The following ADGB variants were observed in gnomAD, a reference collection of about 807,000 sequenced individuals.
The protein encoded by ADGB is androglobin.
ADGB carries 172 observed loss-of-function variants against 210.5 expected under a neutral mutation model. The ratio of observed to expected loss-of-function variants is 0.82; its 90% CI spans 0.72 to 0.93. The LOEUF (loss-of-function observed/expected upper bound fraction) is 0.93. ADGB is among the 40% of genes least tolerant of loss of function. ADGB has a pLI of 0.00. For synonymous variants in ADGB, 658 were observed against 662.7 expected (o/e 0.99, Z 0.11); for missense variants, 2,025 against 1,964.8 (o/e 1.03, Z -0.58).
intron 1 of ADGB, among the ~76,000 whole-genome samples, chr6:146,603,685 G>T (rs1014228379): frequency 2.0e-5 from 3 of 152,004 alleles, no homozygotes; most frequent in Admixed American, 2.0e-4. Context: ...TGACTAAAAT[G>T]AACATCTAAA....
At chr6:146,760,890 A>G (rs1253674320) in intron 27 of ADGB, among the ~76,000 whole-genome samples, 2 of 151,906 alleles carry the variant, frequency 1.3e-5, no homozygotes, top group East Asian at 3.9e-4. Context: ...GAACATGTGT[A>G]TAACTTATTG....
chr6:146,629,425 T>C (rs1483366127), intron 1 of ADGB, among the ~76,000 whole-genome samples: 6 of 152,286 alleles, frequency 3.9e-5, no homozygotes, highest in Middle Eastern at 6.8e-3. Flanking sequence ...TTTTAAGTAA[T>C]CTTCAATATA....
intron 1 of ADGB, among the ~76,000 whole-genome samples, chr6:146,614,371 A>T (rs543334446): frequency 6.6e-6 from 1 of 152,216 alleles, no homozygotes; most frequent in South Asian, 2.1e-4. Flanking sequence ...AAATAAACAG[A>T]TCTATCATTT....
Position 146,598,987 on chromosome 6 carries a change from C to A in ADGB, c.-54C>A, listed in dbSNP as rs1780507576. 4.0e-6 allele frequency: 6 copies of A among 1,486,920 alleles called. No homozygotes were observed. The highest frequency in any genetic ancestry group is 1.4e-5 in the African/African-American group (1 of 71,644). 92.1% of individuals were successfully genotyped at this position (1,486,920 alleles called of 1,614,324 possible). A position where few individuals can be genotyped will look rare whatever the true frequency, so the allele number is the denominator to read the frequency against. On this transcript the variant is annotated 5_prime_UTR_variant, in exon 1 of 36. Transcript: ENST00000397944. ...CTGGCAACGCAGACGCGGAGCCGAGCGCGCCCGCAGGCTCTTTGCTCAGAG... is the reference window on the plus strand; with the variant it reads ...CTGGCAACGCAGACGCGGAGCCGAGAGCGCCCGCAGGCTCTTTGCTCAGAG...
At chr6:146,643,420 T>C (rs922260877) in intron 2 of ADGB, among the ~76,000 whole-genome samples, 1 of 151,904 alleles carries the variant, frequency 6.6e-6, no homozygotes, top group Non-Finnish European at 1.5e-5. Context: ...CTTTTTCCTG[T>C]ATAGATAGTT....
At position 146,788,387 on chromosome 6, in the gene ADGB, A is replaced by C. The variant is rs772998005; in HGVS notation, c.4316-2A>C. ...TTCAGTAATGCACATGTCATGTTGT[A>C]GTAGAAACAGCTGCACGTGGCGTAA... On this transcript the variant is annotated splice_acceptor_variant, in intron 32 of 35. Coordinates refer to ENST00000397944, the MANE Select transcript of ADGB (RefSeq NM_024694.4). LOFTEE classifies it high-confidence loss of function. 1 of 1,551,108 alleles carries C rather than the reference A, an allele frequency of 6.4e-7. No individual in the cohort carries two copies. The highest frequency in any genetic ancestry group is 1.2e-5 in the South Asian group (1 of 84,052).
At position 146,741,131 on chromosome 6, in the gene ADGB, G is replaced by A. The variant is rs897620023; in HGVS notation, c.3037G>A (p.Val1013Ile). The A allele has an allele frequency of 3.3e-6, 5 of 1,518,696 alleles. No homozygotes were observed. In the African/African-American group the frequency reaches 5.6e-5, roughly 17 times the overall value. The allele number at this position is 1,518,696 out of a possible 1,614,324, so 94.1% of individuals were successfully genotyped here. A position where few individuals can be genotyped will look rare whatever the true frequency, so the allele number is the denominator to read the frequency against. The change falls in exon 25 of 36, where the codon GTT (valine) becomes ATT (isoleucine). Residue 1013 changes from valine to isoleucine, a missense_variant. Coordinates refer to ENST00000397944, the MANE Select transcript of ADGB (RefSeq NM_024694.4). The part of the protein sequence containing the change: ...WFIVFRETFL[V>I]HQDMILVPKV... ...TTGTAATTACAGAGAAACATTTTTG[G>A]TTCATCAAGACATGATTTTGGTTCC...
intron 1 of ADGB, among the ~76,000 whole-genome samples, chr6:146,600,922 A>ATG (rs1302239330): frequency 2.4e-5 from 2 of 83,442 alleles, no homozygotes; most frequent in Non-Finnish European, 4.6e-5. Context: ...CCCCTCCCCC[A>ATG]TGCGCACACA....
rs117755672 is a variant in ADGB at position 146,676,886 on chromosome 6, T to A, written c.1216+445T>A. Among the ~76,000 whole-genome samples, 983 of 152,318 alleles carry A rather than the reference T, an allele frequency of 6.5e-3. 6 individuals are homozygous for A. Among genetic ancestry groups the A allele is most frequent in the Middle Eastern group, 0.014 (4 of 294 alleles). On this transcript the variant is annotated intron_variant, in intron 9 of 35. Transcript: ENST00000397944. ...AGAAAGTAACTGTGAGGCCGGAGAC[T>A]CTGGAAGTCATTGTTTATATCACAA... is the stretch of plus-strand genomic sequence containing the variant.
In ADGB at chr6:146,685,827, T is replaced by C. The variant is rs1167133638; in HGVS notation, c.1310T>C (p.Met437Thr). The part of the protein sequence containing the change: ...FENKIFSLEK[M>T]ADSAEKLREY... ...AACAAGATCTTTTCATTAGAGAAGATGGTAAGCATTCAAGCTTAGGAAACA... is the reference window on the plus strand; with the variant it reads ...AACAAGATCTTTTCATTAGAGAAGACGGTAAGCATTCAAGCTTAGGAAACA... Residue 437 changes from methionine to threonine, a missense_variant and splice_region_variant, in exon 10 of 36, where the codon ATG (methionine) becomes ACG (threonine). Physicochemically the swap from Met to Thr is moderately conservative, Grantham distance 81. Transcript: ENST00000397944. The C allele has an allele frequency of 2.6e-6, 4 of 1,520,424 alleles. No individual in the cohort carries two copies. In the East Asian group the frequency reaches 7.6e-5, roughly 29 times the overall value. The allele number at this position is 1,520,424 out of a possible 1,614,324, so 94.2% of individuals were successfully genotyped here.
At chr6:146,632,508 T>C (rs1279336576) in intron 1 of ADGB, among the ~76,000 whole-genome samples, 1 of 152,080 alleles carries the variant, frequency 6.6e-6, no homozygotes, top group Non-Finnish European at 1.5e-5. Context: ...GACTAAGATG[T>C]GTATGTATTT....
chr6:146,765,190 C>G (rs1777554347), intron 28 of ADGB, among the ~76,000 whole-genome samples: 1 of 151,966 alleles, frequency 6.6e-6, no homozygotes, highest in South Asian at 2.1e-4. Context: ...ATATAGGCAC[C>G]TAATTATCTA....
At chr6:146,790,482 G>A (rs1056629280) in intron 33 of ADGB, among the ~76,000 whole-genome samples, 1 of 151,952 alleles carries the variant, frequency 6.6e-6, no homozygotes, top group Non-Finnish European at 1.5e-5. Flanking sequence ...TTAGCATCTT[G>A]TCCTCCAGGT....
At chr6:146,717,361 A>G (rs1776751314) in intron 15 of ADGB, among the ~76,000 whole-genome samples, 175 bp from the exon 16 acceptor site, 2 of 152,220 alleles carry the variant, frequency 1.3e-5, no homozygotes, top group Admixed American at 6.5e-5. Flanking sequence ...TTTCTTAATT[A>G]AAATGAAGAA....
chr6:146,654,053 T>C (rs1004873670), intron 3 of ADGB, 82 bp from the exon 4 acceptor site: 3 of 970,934 alleles, frequency 3.1e-6, no homozygotes, highest in Admixed American at 2.5e-5. Context: ...ACTTCAGGCA[T>C]AAATGGATTA....
Position 146,729,532 on chromosome 6 carries a change from TC to T in ADGB, c.2520+792del, listed in dbSNP as rs374230307. ...GTCATTGCAGCCTGAACTCCTGGGCTCAAGTGATCCTCCTGTCTTACCCTCC... is the reference window on the plus strand; with the variant it reads ...GTCATTGCAGCCTGAACTCCTGGGCTAAGTGATCCTCCTGTCTTACCCTCC... On this transcript the variant is annotated intron_variant, in intron 20 of 35. Coordinates refer to ENST00000397944, the MANE Select transcript of ADGB (RefSeq NM_024694.4). Among the ~76,000 whole-genome samples, 390 of 152,184 alleles carry T rather than the reference TC, an allele frequency of 2.6e-3. 3 individuals are homozygous for T. The highest frequency in any genetic ancestry group is 9.1e-3 in the African/African-American group (378 of 41,528).
At chr6:146,770,865 G>A (rs1039691285) in intron 29 of ADGB, among the ~76,000 whole-genome samples, 13 of 152,020 alleles carry the variant, frequency 8.6e-5, no homozygotes, top group African/African-American at 3.1e-4. Context: ...GCTCCATAGT[G>A]TTATACATAA....
intron 20 of ADGB, among the ~76,000 whole-genome samples, chr6:146,731,360 A>AAC (rs1048226319): frequency 6.6e-6 from 1 of 151,282 alleles, no homozygotes; most frequent in African/African-American, 2.4e-5. Flanking sequence ...CATATGACAA[A>AAC]AAAAAAAAAA....
At chr6:146,693,315 T>TTC (rs749939946) in intron 12 of ADGB, among the ~76,000 whole-genome samples, 10 of 151,442 alleles carry the variant, frequency 6.6e-5, no homozygotes, top group Admixed American at 3.3e-4. Flanking sequence ...CACCAGAGAG[T>TTC]TCTCTCTCTC....
Sources: gnomAD v4.1 joint callset for allele counts (sites outside exome capture counted in the v4.1 genomes callset) on GRCh38, gnomAD v4.1.1 for gene constraint, MANE v1.5 for transcripts, NCBI Gene and HGNC (gene_info 2026-07-23, HGNC 2026-07-21) for gene names.